The following UBE2E2 variants were observed in gnomAD, a reference collection of about 807,000 sequenced individuals.
UBE2E2 encodes ubiquitin conjugating enzyme E2 E2, also known as ubiquitin-conjugating enzyme E2 E2.
UBE2E2 carries 6 observed loss-of-function variants against 24.7 expected under a neutral mutation model. The ratio of observed to expected loss-of-function variants is 0.24; its 90% CI spans 0.13 to 0.48. The LOEUF (loss-of-function observed/expected upper bound fraction) is 0.48. Among genes scored for constraint, UBE2E2 ranks in the 20% least tolerant of loss-of-function variants. The pLI, the probability that UBE2E2 is intolerant of heterozygous loss-of-function variation, is 0.99. For missense variants in UBE2E2, 169 were observed against 245.0 expected, an observed-to-expected ratio of 0.69 and a Z score of 2.07; for synonymous variants, 104 against 83.6, an observed-to-expected ratio of 1.24 and a Z score of -1.33.
At chr3:23,444,060 G>GTTTTTT (rs1359491293) in intron 3 of UBE2E2, among the ~76,000 whole-genome samples, 1 of 125,680 alleles carries the variant, frequency 8.0e-6, no homozygotes, top group African/African-American at 3.2e-5. Flanking sequence ...TTCTTCACCA[G>GTTTTTT]TTTTGTTTTT....
At chr3:23,376,294 A>G (rs1197461167) in intron 3 of UBE2E2, among the ~76,000 whole-genome samples, 1 of 152,088 alleles carries the variant, frequency 6.6e-6, no homozygotes, top group African/African-American at 2.4e-5. Flanking sequence ...TTTTGCGTGG[A>G]TTTGTTTTGT....
chr3:23,421,159 G>T (rs1316621194), intron 3 of UBE2E2, among the ~76,000 whole-genome samples: 2 of 152,172 alleles, frequency 1.3e-5, no homozygotes, highest in African/African-American at 4.8e-5. Context: ...TCAGCTTGAA[G>T]GTCAGCTAAA....
chr3:23,536,720 A>C (rs928729549), intron 5 of UBE2E2, among the ~76,000 whole-genome samples: 1 of 152,230 alleles, frequency 6.6e-6, no homozygotes, highest in Non-Finnish European at 1.5e-5. Context: ...TAATCCAGAA[A>C]GATTGTAGAT....
At chr3:23,375,242 T>G (rs1696492291) in intron 3 of UBE2E2, among the ~76,000 whole-genome samples, 1 of 152,194 alleles carries the variant, frequency 6.6e-6, no homozygotes, top group Admixed American at 6.5e-5. Flanking sequence ...TGAAATCTAA[T>G]TTTATAATTG....
intron 3 of UBE2E2, among the ~76,000 whole-genome samples, chr3:23,366,954 T>A (rs555773389): frequency 6.6e-6 from 1 of 152,290 alleles, no homozygotes; most frequent in African/African-American, 2.4e-5. Context: ...GTATGTACAA[T>A]AGCACATAAT....
chr3:23,359,755 A>G lies in UBE2E2; in HGVS notation c.228-139853A>G, dbSNP rs895238208. On this transcript the variant is annotated intron_variant, in intron 3 of 5. Coordinates refer to ENST00000396703, the MANE Select transcript of UBE2E2 (RefSeq NM_152653.4). The stretch of plus-strand genomic sequence containing the variant: ...ATAATTTTATTACTCAGGAAATTAT[A>G]CTTGCACCTTGAGGACACCTTGAAA... Among the ~76,000 whole-genome samples the G allele has an allele frequency of 2.7e-4, 41 of 152,150 alleles. 1 individual carries two copies. Among genetic ancestry groups the G allele is most frequent in the African/African-American group, 9.9e-4 (41 of 41,450 alleles).
At chr3:23,409,091 A>G (rs1697437555) in intron 3 of UBE2E2, among the ~76,000 whole-genome samples, 2 of 152,186 alleles carry the variant, frequency 1.3e-5, no homozygotes, top group African/African-American at 4.8e-5. Flanking sequence ...TTGTTGGGCT[A>G]CATTCCTGAC....
intron 3 of UBE2E2, among the ~76,000 whole-genome samples, chr3:23,354,030 A>G (rs1457247731): frequency 1.3e-5 from 2 of 152,242 alleles, no homozygotes; most frequent in Non-Finnish European, 2.9e-5. Flanking sequence ...TACTGGTACC[A>G]AAACAGAGAT....
intron 2 of UBE2E2, among the ~76,000 whole-genome samples, chr3:23,214,437 A>G (rs1200362066): frequency 2.6e-5 from 4 of 151,940 alleles, no homozygotes; most frequent in Non-Finnish European, 5.9e-5. Flanking sequence ...AATTTTTTGT[A>G]GAGGAGTCTC....
At chr3:23,315,184 TC>T (rs1694536052) in intron 3 of UBE2E2, among the ~76,000 whole-genome samples, 1 of 152,170 alleles carries the variant, frequency 6.6e-6, no homozygotes, top group Non-Finnish European at 1.5e-5. Flanking sequence ...TTCTTCCCAC[TC>T]TTCCCCTCCC....
chr3:23,573,931 G>A (rs1696283142), intron 5 of UBE2E2, among the ~76,000 whole-genome samples: 1 of 152,074 alleles, frequency 6.6e-6, no homozygotes, highest in South Asian at 2.1e-4. Flanking sequence ...ATGACACACT[G>A]TCATTGAAAC....
intron 5 of UBE2E2, among the ~76,000 whole-genome samples, chr3:23,545,610 C>CT (rs1695505265): frequency 1.3e-5 from 2 of 152,264 alleles, no homozygotes; most frequent in African/African-American, 4.8e-5. Context: ...ACAATCTGAT[C>CT]TTTCTTTTCC....
intron 3 of UBE2E2, among the ~76,000 whole-genome samples, chr3:23,344,373 A>G (rs1178293487): frequency 6.6e-6 from 1 of 152,176 alleles, no homozygotes; most frequent in Non-Finnish European, 1.5e-5. Flanking sequence ...GGCTCATGTG[A>G]AAAAGCCTTA....
At chr3:23,210,564 A>G (rs182262583) in intron 2 of UBE2E2, among the ~76,000 whole-genome samples, 26 of 152,338 alleles carry the variant, frequency 1.7e-4, no homozygotes, top group Admixed American at 9.1e-4. Flanking sequence ...TATATAGAGA[A>G]AGTACGGATT....
chr3:23,377,748 G>C (rs1267411784), intron 3 of UBE2E2, among the ~76,000 whole-genome samples: 1 of 152,212 alleles, frequency 6.6e-6, no homozygotes, highest in Non-Finnish European at 1.5e-5. Flanking sequence ...CCCCCTTAGG[G>C]ATTTTCTGAT....
At chr3:23,564,708 G>T (rs1696024129) in intron 5 of UBE2E2, among the ~76,000 whole-genome samples, 1 of 152,144 alleles carries the variant, frequency 6.6e-6, no homozygotes, top group Non-Finnish European at 1.5e-5. Context: ...GGGGTAGAAA[G>T]CCTGGTGCTT....
intron 3 of UBE2E2, among the ~76,000 whole-genome samples, chr3:23,444,104 G>A (rs1186116863): frequency 2.3e-5 from 3 of 128,756 alleles, no homozygotes; most frequent in African/African-American, 9.3e-5. Flanking sequence ...TTGCTTGCCT[G>A]CTGAAATAAA....
At chr3:23,566,049 C>G (rs1002527792) in intron 5 of UBE2E2, among the ~76,000 whole-genome samples, 1 of 152,200 alleles carries the variant, frequency 6.6e-6, no homozygotes, top group African/African-American at 2.4e-5. Flanking sequence ...ACACCTCACA[C>G]TTACTGAGCA....
intron 3 of UBE2E2, among the ~76,000 whole-genome samples, chr3:23,493,056 G>A (rs1699532306): frequency 6.6e-6 from 1 of 152,104 alleles, no homozygotes; most frequent in African/African-American, 2.4e-5. Flanking sequence ...TTGAGGCACA[G>A]AAAGGTTTAG....
Sources: allele counts gnomAD v4.1 joint callset (sites outside exome capture counted in the v4.1 genomes callset), GRCh38; gene constraint gnomAD v4.1.1; transcripts MANE v1.5; gene names NCBI Gene and HGNC (gene_info 2026-07-23, HGNC 2026-07-21).